Variants in EXT1 observed in about 807,000 individuals in gnomAD.
The protein encoded by EXT1 is exostosin-1.
In EXT1, 20 loss-of-function variants were observed where a neutral mutation model predicts 82.5. The ratio of observed to expected loss-of-function variants is 0.24; its 90% CI spans 0.17 to 0.35. The LOEUF (loss-of-function observed/expected upper bound fraction) is 0.35, where lower values mean the gene tolerates loss of function less well. Among genes scored for constraint, EXT1 ranks in the 10% least tolerant of loss-of-function variants. The probability of loss-of-function intolerance (pLI) is 1.00; values close to 1 mark genes in which losing one functional copy is unlikely to be tolerated. For synonymous variants in EXT1, 348 were observed against 350.8 expected, an observed-to-expected ratio of 0.99 and a Z score of 0.09; for missense variants, 757 against 936.5, an observed-to-expected ratio of 0.81 and a Z score of 2.50.
chr8:117,882,088 AATTT>A (rs575439159), intron 1 of EXT1, among the ~76,000 whole-genome samples: 1 of 152,182 alleles, frequency 6.6e-6, no homozygotes, highest in African/African-American at 2.4e-5. Flanking sequence ...TGTTTAATTT[AATTT>A]ATTTATTTAG....
At chr8:117,944,022 G>A (rs1157646332) in intron 1 of EXT1, among the ~76,000 whole-genome samples, 3 of 152,214 alleles carry the variant, frequency 2.0e-5, no homozygotes, top group South Asian at 2.1e-4. Flanking sequence ...TCTCATTTCC[G>A]TATGAAAGAC....
intron 1 of EXT1, among the ~76,000 whole-genome samples, chr8:118,096,783 T>C (rs1412064305): frequency 1.3e-5 from 2 of 152,100 alleles, no homozygotes; most frequent in East Asian, 3.9e-4. Flanking sequence ...CATTTGAACA[T>C]GACAAGAAAC....
intron 1 of EXT1, among the ~76,000 whole-genome samples, chr8:117,904,677 G>T (rs1813510796): frequency 6.6e-6 from 1 of 152,200 alleles, no homozygotes; most frequent in African/African-American, 2.4e-5. Flanking sequence ...ACACCTCAGG[G>T]TACTACCTGC....
chr8:117,993,176 A>G (rs1357038609), intron 1 of EXT1, among the ~76,000 whole-genome samples: 1 of 152,204 alleles, frequency 6.6e-6, no homozygotes, highest in Non-Finnish European at 1.5e-5. Flanking sequence ...AACTCATATG[A>G]TTAAATGAAC....
intron 1 of EXT1, among the ~76,000 whole-genome samples, chr8:117,970,728 G>A (rs1339359214): frequency 6.6e-6 from 1 of 152,154 alleles, no homozygotes; most frequent in Non-Finnish European, 1.5e-5. Context: ...TCACAACTTA[G>A]CAGTTACAAA....
intron 1 of EXT1, among the ~76,000 whole-genome samples, chr8:117,962,505 C>T (rs1814720413): frequency 6.6e-6 from 1 of 152,010 alleles, no homozygotes; most frequent in Non-Finnish European, 1.5e-5. Context: ...GTAATCCCAG[C>T]ACTTTTGGAG....
chr8:117,990,671 G>T (rs1815413564), intron 1 of EXT1, among the ~76,000 whole-genome samples: 1 of 152,180 alleles, frequency 6.6e-6, no homozygotes, highest in African/African-American at 2.4e-5. Context: ...TTGAAGTCTT[G>T]GGCATTGGCA....
chr8:117,921,022 T>C (rs1813844764), intron 1 of EXT1, among the ~76,000 whole-genome samples: 1 of 152,258 alleles, frequency 6.6e-6, no homozygotes, highest in African/African-American at 2.4e-5. Context: ...AAATACACCA[T>C]CACAGGTCAT....
chr8:117,988,608 C>T (rs961497321), intron 1 of EXT1, among the ~76,000 whole-genome samples: 1 of 152,146 alleles, frequency 6.6e-6, no homozygotes, highest in Non-Finnish European at 1.5e-5. Context: ...ACAGTGCAGG[C>T]CTGAGCTTCC....
At chr8:117,897,591 C>CT (rs34963536) in intron 1 of EXT1, among the ~76,000 whole-genome samples, 41,958 of 89,648 alleles carry the variant, frequency 0.47, 11,259 homozygotes, top group Middle Eastern at 0.62. Flanking sequence ...CTTCTTTTCT[C>CT]TTTTTTTTTT....
chr8:117,953,842 G>A (rs1814538635), intron 1 of EXT1, among the ~76,000 whole-genome samples: 1 of 151,940 alleles, frequency 6.6e-6, no homozygotes, highest in Admixed American at 6.6e-5. Context: ...CCCGGGTGGC[G>A]GAGGTTGCAG....
At chr8:118,015,115 C>G (rs778999253) in intron 1 of EXT1, among the ~76,000 whole-genome samples, 13 of 152,184 alleles carry the variant, frequency 8.5e-5, no homozygotes, top group Non-Finnish European at 1.5e-4. Flanking sequence ...ACAGATTAAT[C>G]TAAAATGAAT....
At chr8:118,094,350 C>T (rs796109994) in intron 1 of EXT1, among the ~76,000 whole-genome samples, 14 of 152,228 alleles carry the variant, frequency 9.2e-5, no homozygotes, top group African/African-American at 3.1e-4. Flanking sequence ...GGGCACTTGC[C>T]AAACCACCAG....
chr8:117,826,184 A>T (rs921377997), intron 4 of EXT1, among the ~76,000 whole-genome samples: 11 of 152,248 alleles, frequency 7.2e-5, no homozygotes, highest in Non-Finnish European at 1.3e-4. Flanking sequence ...AAACTAAAAG[A>T]ATCCTAGACA....
rs879779532 is a variant in EXT1, at chr8:117,964,623, GTGTTTGTT to G, written c.963-127430_963-127423del. On this transcript the variant is annotated intron_variant, in intron 1 of 10. Transcript: ENST00000378204. The stretch of plus-strand genomic sequence containing the variant: ...GTGGGTTTTATGTCTGTGTGTGTGT[GTGTTTGTT>G]TGTTTGTTTGTTTGTTTGTTTGTTT... 1.1e-3 allele frequency among the ~76,000 whole-genome samples: 168 copies of G among 149,818 alleles called. 1 individual carries two copies. Among genetic ancestry groups the G allele is most frequent in the South Asian group, 4.0e-3 (19 of 4,766 alleles).
intron 2 of EXT1, 143 bp downstream of exon 2, chr8:117,836,965 T>C (rs1812197348): frequency 4.5e-6 from 3 of 673,846 alleles, no homozygotes; most frequent in African/African-American, 3.6e-5. Flanking sequence ...AAAAATGTTT[T>C]AGATTTTCTT....
chr8:118,085,471 C>T (rs1219619327), intron 1 of EXT1, among the ~76,000 whole-genome samples: 2 of 140,944 alleles, frequency 1.4e-5, no homozygotes, highest in East Asian at 2.0e-4. Flanking sequence ...GTTATTGGGG[C>T]TGTTTTTGTT....
chr8:118,100,660 C>G (rs752767980), intron 1 of EXT1, among the ~76,000 whole-genome samples: 87 of 152,064 alleles, frequency 5.7e-4, no homozygotes, highest in South Asian at 2.7e-3. Context: ...GCAGCAGAAT[C>G]GCTTGAACCC....
intron 1 of EXT1, among the ~76,000 whole-genome samples, chr8:118,017,097 T>C (rs1816017754): frequency 6.6e-6 from 1 of 152,210 alleles, no homozygotes; most frequent in Admixed American, 6.5e-5. Context: ...TATAATCATT[T>C]ATAAAGATAA....
Sources: allele counts gnomAD v4.1 joint callset (sites outside exome capture counted in the v4.1 genomes callset), GRCh38; gene constraint gnomAD v4.1.1; transcripts MANE v1.5; gene names NCBI Gene and HGNC (gene_info 2026-07-23, HGNC 2026-07-21).